Variants in MYO5A observed in about 807,000 individuals in gnomAD.
MYO5A encodes the protein unconventional myosin-Va.
A neutral mutation model predicts 249.7 loss-of-function variants in MYO5A; 98 were observed. That is an observed-to-expected ratio of 0.39 (90% CI 0.33 to 0.46). MYO5A has a LOEUF of 0.46. MYO5A is among the 20% of genes least tolerant of loss of function. The pLI, the probability that MYO5A is intolerant of heterozygous loss-of-function variation, is 0.98. For synonymous variants in MYO5A, 778 were observed against 810.6 expected (o/e 0.96, Z 0.68); for missense variants, 1,696 against 2,308.8 (o/e 0.73, Z 5.44).
rs149770957 is a variant in MYO5A at position 52,336,993 on chromosome 15, C to T, written c.4315-437G>A. Reference sequence around the variant, plus strand: ...ACACTCCCCATGTGTGAAGCACTGTCTCTATGAGAGCCACCCTATGAAATT... The same window carrying T: ...ACACTCCCCATGTGTGAAGCACTGTTTCTATGAGAGCCACCCTATGAAATT... On this transcript the variant is annotated intron_variant, in intron 33 of 41. Coordinates refer to ENST00000399233, the MANE Select transcript of MYO5A (RefSeq NM_001382347.1). Among the ~76,000 whole-genome samples, 195 of 152,218 alleles carry T rather than the reference C, an allele frequency of 1.3e-3. 1 individual carries two copies. Among genetic ancestry groups the T allele is most frequent in the African/African-American group, 4.5e-3 (185 of 41,522 alleles).
chr15:52,451,932 G>A (rs1010743842), intron 1 of MYO5A, among the ~76,000 whole-genome samples: 2 of 152,170 alleles, frequency 1.3e-5, no homozygotes. Flanking sequence ...GATGCCCACA[G>A]CCCAACATAG....
intron 5 of MYO5A, among the ~76,000 whole-genome samples, chr15:52,411,041 T>A (rs1278042362): frequency 6.6e-6 from 1 of 152,254 alleles, no homozygotes; most frequent in Non-Finnish European, 1.5e-5. Context: ...GAGGTTAGAA[T>A]ATTTTCATAA....
intron 1 of MYO5A, among the ~76,000 whole-genome samples, chr15:52,488,946 C>T (rs2076879848): frequency 6.6e-6 from 1 of 152,150 alleles, no homozygotes; most frequent in South Asian, 2.1e-4. Context: ...TGGGAGGAGG[C>T]ATTATAGCAA....
intron 1 of MYO5A, among the ~76,000 whole-genome samples, chr15:52,518,958 C>T (rs930550715): frequency 1.3e-4 from 19 of 151,916 alleles, no homozygotes; most frequent in African/African-American, 3.9e-4. Flanking sequence ...TATTTTATTC[C>T]ATTATAGGTG....
intron 34 of MYO5A, among the ~76,000 whole-genome samples, chr15:52,331,017 C>T (rs938138880): frequency 6.6e-6 from 1 of 152,114 alleles, no homozygotes; most frequent in Non-Finnish European, 1.5e-5. Context: ...CAATTCAAAA[C>T]ACATACAGAT....
At chr15:52,321,575 C>T (rs1567017630) in intron 37 of MYO5A, 66 bp from the exon 38 acceptor site, 1 of 1,540,190 alleles carries the variant, frequency 6.5e-7, no homozygotes, top group Non-Finnish European at 9.0e-7. Context: ...TAACTATCTC[C>T]AATTTGATCA....
At chr15:52,424,995 C>T (rs569254235) in intron 4 of MYO5A, among the ~76,000 whole-genome samples, 2 of 152,252 alleles carry the variant, frequency 1.3e-5, no homozygotes, top group East Asian at 3.9e-4. Flanking sequence ...TAGTGTATGC[C>T]TGCAGTACCA....
At chr15:52,443,407 C>T (rs748134327) in intron 1 of MYO5A, among the ~76,000 whole-genome samples, 22 of 152,190 alleles carry the variant, frequency 1.4e-4, no homozygotes, top group Non-Finnish European at 2.8e-4. Context: ...TTTGCTGACT[C>T]TGCAAGTTAC....
intron 1 of MYO5A, among the ~76,000 whole-genome samples, chr15:52,448,960 T>TC (rs1208979862): frequency 7.9e-4 from 69 of 87,058 alleles, no homozygotes; most frequent in African/African-American, 2.6e-3. Context: ...TGTCTTTCTT[T>TC]TTTTTTTTTT....
chr15:52,410,327 G>A lies in MYO5A; in HGVS notation c.756+6C>T, dbSNP rs768731312. 2.5e-6 allele frequency: 4 copies of A among 1,612,810 alleles called. No individual in the cohort carries two copies. The highest frequency in any genetic ancestry group is 1.7e-4 in the Middle Eastern group (1 of 6,058). On this transcript the variant is annotated splice_donor_region_variant and intron_variant, in intron 6 of 41. Transcript: ENST00000399233. Reference sequence around the variant, plus strand: ...ACAAGTGCATATGTGTATATGGCCAGCTTACCTGGAATACCACTCTGGATT... The same window carrying A: ...ACAAGTGCATATGTGTATATGGCCAACTTACCTGGAATACCACTCTGGATT...
At chr15:52,486,860 A>T (rs2076831862) in intron 1 of MYO5A, among the ~76,000 whole-genome samples, 1 of 152,230 alleles carries the variant, frequency 6.6e-6, no homozygotes, top group Non-Finnish European at 1.5e-5. Context: ...TCTATAGAAG[A>T]TTCCCACGAG....
chr15:52,430,756 T>C (rs1225193218), intron 2 of MYO5A, among the ~76,000 whole-genome samples: 1 of 152,148 alleles, frequency 6.6e-6, no homozygotes, highest in African/African-American at 2.4e-5. Context: ...CTTCTTATAA[T>C]AGGGTATGGA....
chr15:52,378,812 C>G (rs141273425), intron 18 of MYO5A, among the ~76,000 whole-genome samples: 1 of 152,102 alleles, frequency 6.6e-6, no homozygotes, highest in Non-Finnish European at 1.5e-5. Flanking sequence ...CAGACAGCAT[C>G]GGCATCACCC....
intron 1 of MYO5A, among the ~76,000 whole-genome samples, chr15:52,494,713 G>A (rs527926526): frequency 2.0e-5 from 3 of 152,138 alleles, no homozygotes; most frequent in Admixed American, 1.3e-4. Context: ...GCCTAGTCTC[G>A]AACTCCTGAC....
chr15:52,326,091 C>A (rs4499185), intron 36 of MYO5A, among the ~76,000 whole-genome samples: 13,165 of 152,198 alleles, frequency 0.086, 1,758 homozygotes, highest in African/African-American at 0.29. Context: ...TGGCAAAAAA[C>A]CAGTTGCCAA....
intron 30 of MYO5A, among the ~76,000 whole-genome samples, chr15:52,344,374 G>A (rs1309409770): frequency 2.0e-5 from 3 of 152,094 alleles, no homozygotes; most frequent in Non-Finnish European, 4.4e-5. Flanking sequence ...TCTTCACTGT[G>A]CATTTCCCCA....
Position 52,309,658 on chromosome 15 carries a change from A to T in MYO5A, c.*4038T>A, listed in dbSNP as rs1192776769. The T allele has an allele frequency of 6.6e-6, 1 of 152,266 alleles. No individual in the cohort carries two copies. The highest frequency in any genetic ancestry group is 6.5e-5 in the Admixed American group (1 of 15,284). 9.4% of individuals were successfully genotyped at this position (152,266 alleles called of 1,614,324 possible). On this transcript the variant is annotated 3_prime_UTR_variant, in exon 42 of 42. Coordinates refer to ENST00000399233, the MANE Select transcript of MYO5A (RefSeq NM_001382347.1). ...CCCACCTACCGTCCATGCTGCTGTGAGGATGAAACGAGGTAACAGAGGAAA... is the reference window on the plus strand; with the variant it reads ...CCCACCTACCGTCCATGCTGCTGTGTGGATGAAACGAGGTAACAGAGGAAA...
rs112575262 is a variant in MYO5A, at chr15:52,412,122, G to A, written c.613-1646C>T. ...CCGAAGAGCAAATGAAAGATTACAT[G>A]TAGTAGAAGTAGCAGCAGCTACTCA... On this transcript the variant is annotated intron_variant, in intron 5 of 41. Transcript: ENST00000399233. Among the ~76,000 whole-genome samples, 1,373 of 152,324 alleles carry A rather than the reference G, an allele frequency of 9.0e-3. 17 individuals are homozygous for A. The highest frequency in any genetic ancestry group is 0.031 in the African/African-American group (1,309 of 41,566).
At chr15:52,314,832 T>C (rs2037920134) in intron 40 of MYO5A, among the ~76,000 whole-genome samples, 1 of 152,218 alleles carries the variant, frequency 6.6e-6, no homozygotes, top group African/African-American at 2.4e-5. Context: ...AAATAAATCA[T>C]CGTCTATATA....
Sources: allele counts gnomAD v4.1 joint callset (sites outside exome capture counted in the v4.1 genomes callset), GRCh38; gene constraint gnomAD v4.1.1; transcripts MANE v1.5; gene names NCBI Gene and HGNC (gene_info 2026-07-23, HGNC 2026-07-21).